The following APBB2 variants were observed in gnomAD, a reference collection of about 807,000 sequenced individuals.
APBB2 encodes the protein amyloid beta precursor protein binding family B member 2, also known as Fe65-like 1.
A neutral mutation model predicts 82.5 loss-of-function variants in APBB2; 38 were observed. That is an observed-to-expected ratio of 0.46 (90% confidence interval 0.36 to 0.60). The LOEUF (loss-of-function observed/expected upper bound fraction) is 0.60, where lower values mean the gene tolerates loss of function less well. Among genes scored for constraint, APBB2 ranks in the 20% least tolerant of loss-of-function variants. The probability of loss-of-function intolerance (pLI) is 0.00; values close to 1 mark genes in which losing one functional copy is unlikely to be tolerated. For missense variants in APBB2, 772 were observed against 972.3 expected (o/e 0.79, Z 2.74); for synonymous variants, 341 against 368.2 (o/e 0.93, Z 0.85).
rs144189086 is a variant in APBB2 at position 41,078,053 on chromosome 4, T to C, written c.-148-12380A>G. Among the ~76,000 whole-genome samples, 417 of 152,354 alleles carry C rather than the reference T, an allele frequency of 2.7e-3. 3 individuals are homozygous for C. Among genetic ancestry groups the C allele is most frequent in the African/African-American group, 9.0e-3 (376 of 41,586 alleles). The stretch of plus-strand genomic sequence containing the variant: ...GAAAGAAAATAAAATAACAGTATCC[T>C]GCATAGCTCAGCTGTGAAAAATATT... On this transcript the variant is annotated intron_variant, in intron 3 of 17. Coordinates refer to ENST00000508593, the MANE Select transcript of APBB2 (RefSeq NM_004307.2).
At position 41,047,826 on chromosome 4, in the gene APBB2, G is replaced by A. The variant is rs545469017; in HGVS notation, c.-50-14522C>T. On this transcript the variant is annotated intron_variant, in intron 4 of 17. Transcript: ENST00000508593. ...CTCTGATCTGATGGTTCCAAGAGAA[G>A]GTTAAGTATCATAACCAAGGAACCA... is the stretch of plus-strand genomic sequence containing the variant. Among the ~76,000 whole-genome samples, 46 of 152,272 alleles carry A rather than the reference G, an allele frequency of 3.0e-4. No homozygotes were observed. In the South Asian group the frequency reaches 4.6e-3, roughly 15 times the overall value.
chr4:41,144,742 A>G (rs955443679), intron 1 of APBB2, among the ~76,000 whole-genome samples: 10 of 152,252 alleles, frequency 6.6e-5, no homozygotes, highest in African/African-American at 2.2e-4. Context: ...CTTGCCACAG[A>G]CAGAGAACCA....
At chr4:41,170,805 C>T (rs1167034468) in intron 1 of APBB2, among the ~76,000 whole-genome samples, 5 of 152,104 alleles carry the variant, frequency 3.3e-5, no homozygotes, top group African/African-American at 4.8e-5. Context: ...TTTAGGAAAT[C>T]TAGGTGAATA....
chr4:41,016,428 G>C (rs1809957816), intron 5 of APBB2, among the ~76,000 whole-genome samples: 1 of 152,182 alleles, frequency 6.6e-6, no homozygotes, highest in Non-Finnish European at 1.5e-5. Flanking sequence ...TTGGGAGGCT[G>C]AGGCGGGCAG....
intron 2 of APBB2, among the ~76,000 whole-genome samples, chr4:41,136,636 C>A (rs1289052013): frequency 6.6e-6 from 1 of 152,120 alleles, no homozygotes; most frequent in African/African-American, 2.4e-5. Context: ...CCTCCAGGAA[C>A]CAGGACGCAT....
intron 1 of APBB2, among the ~76,000 whole-genome samples, chr4:41,163,794 G>A (rs371199958): frequency 5.3e-5 from 8 of 152,086 alleles, no homozygotes; most frequent in African/African-American, 1.4e-4. Context: ...TATTTTCCAC[G>A]TTAATTCTAT....
intron 3 of APBB2, among the ~76,000 whole-genome samples, chr4:41,069,411 C>T (rs10517554): frequency 0.29 from 44,078 of 152,044 alleles, 7,112 homozygotes; most frequent in Non-Finnish European, 0.37. Flanking sequence ...AAACCCGATG[C>T]GATGGAAAAC....
rs1193860891 is a variant in APBB2 at position 41,072,115 on chromosome 4, C to T, written c.-148-6442G>A. Among the ~76,000 whole-genome samples, 5 of 152,244 alleles carry T rather than the reference C, an allele frequency of 3.3e-5. No individual in the cohort carries two copies. In the South Asian group the frequency reaches 1.0e-3, roughly 32 times the overall value. On this transcript the variant is annotated intron_variant, in intron 3 of 17. Transcript: ENST00000508593. The stretch of plus-strand genomic sequence containing the variant: ...AGATATAAATACACTCTGGAGAGCC[C>T]AAGGGGAAATCCAAGTTACAGAGCC...
intron 12 of APBB2, among the ~76,000 whole-genome samples, chr4:40,831,071 A>C (rs570204662): frequency 1.9e-4 from 29 of 151,936 alleles, no homozygotes; most frequent in Non-Finnish European, 3.8e-4. Context: ...TGCACTCCAG[A>C]CTGGTCAACA....
intron 1 of APBB2, among the ~76,000 whole-genome samples, chr4:41,191,072 A>G (rs541967530): frequency 7.2e-5 from 11 of 152,258 alleles, no homozygotes; most frequent in African/African-American, 2.6e-4. Flanking sequence ...GTCAGGTCAC[A>G]CCCAAGAGGT....
At chr4:41,029,422 C>T (rs923381109) in intron 5 of APBB2, among the ~76,000 whole-genome samples, 10 of 152,128 alleles carry the variant, frequency 6.6e-5, no homozygotes, top group Admixed American at 5.9e-4. Context: ...GGATTTGAAC[C>T]TCAGAATATT....
chr4:40,868,838 G>A (rs1292494434), intron 12 of APBB2, among the ~76,000 whole-genome samples: 1 of 152,096 alleles, frequency 6.6e-6, no homozygotes, highest in Non-Finnish European at 1.5e-5. Flanking sequence ...TGCCATCAAG[G>A]ACCTCTTATT....
chr4:40,936,620 A>G (rs1377172369), intron 7 of APBB2, among the ~76,000 whole-genome samples: 2 of 152,194 alleles, frequency 1.3e-5, no homozygotes, highest in African/African-American at 2.4e-5. Flanking sequence ...ATTTAGACCC[A>G]TTATTACTAT....
At chr4:41,026,020 A>G (rs1252323904) in intron 5 of APBB2, among the ~76,000 whole-genome samples, 1 of 152,194 alleles carries the variant, frequency 6.6e-6, no homozygotes, top group Non-Finnish European at 1.5e-5. Flanking sequence ...GCCATAAAAA[A>G]GCACAAGATA....
chr4:40,962,501 C>G (rs2154394068), intron 6 of APBB2, among the ~76,000 whole-genome samples: 1 of 152,294 alleles, frequency 6.6e-6, no homozygotes, highest in East Asian at 1.9e-4. Flanking sequence ...TTGAACAGAT[C>G]TAAGTTCCTT....
intron 1 of APBB2, among the ~76,000 whole-genome samples, chr4:41,181,182 CA>C (rs138591307): frequency 0.042 from 6,383 of 152,232 alleles, 149 homozygotes; most frequent in Middle Eastern, 0.058. Context: ...CATTCAATTC[CA>C]AGCAGGCACA....
chr4:40,812,562 C>CTTA lies in APBB2; in HGVS notation c.*3527_*3529dup, dbSNP rs995436997. 3.3e-5 allele frequency: 5 copies of CTTA among 152,126 alleles called. No homozygotes were observed. Among genetic ancestry groups the CTTA allele is most frequent in the African/African-American group, 1.2e-4 (5 of 41,420 alleles). The allele number at this position is 152,126 out of a possible 1,614,324, so 9.4% of individuals were successfully genotyped here. A position where few individuals can be genotyped will look rare whatever the true frequency, so the allele number is the denominator to read the frequency against. ...CCTGGCCAACTAGAGAGCGAAGGGG[C>CTTA]TTATTAGTTAAATTGTGCTAATATC... On this transcript the variant is annotated 3_prime_UTR_variant, in exon 18 of 18. Transcript: ENST00000508593.
chr4:41,166,880 A>G (rs991646677), intron 1 of APBB2, among the ~76,000 whole-genome samples: 1 of 152,130 alleles, frequency 6.6e-6, no homozygotes, highest in Non-Finnish European at 1.5e-5. Flanking sequence ...CTGAGCAGAA[A>G]AATAAAATAA....
At chr4:41,176,156 C>T (rs796269786) in intron 1 of APBB2, among the ~76,000 whole-genome samples, 6 of 152,150 alleles carry the variant, frequency 3.9e-5, no homozygotes, top group East Asian at 3.9e-4. Context: ...AGATTCTGGT[C>T]CCCCTGGCTC....
Sources: allele counts gnomAD v4.1 joint callset (sites outside exome capture counted in the v4.1 genomes callset), GRCh38; gene constraint gnomAD v4.1.1; transcripts MANE v1.5; gene names NCBI Gene and HGNC (gene_info 2026-07-23, HGNC 2026-07-21).